BET1: variants seen among roughly 807,000 people sequenced by gnomAD.
The protein encoded by BET1 is Bet1 golgi vesicular membrane trafficking protein.
A neutral mutation model predicts 13.9 loss-of-function variants in BET1; 9 were observed. The observed-to-expected ratio is 0.65, with a 90% CI of 0.39 to 1.13. BET1 has a LOEUF of 1.13. Among genes scored for constraint, BET1 ranks in the 50% most tolerant of loss-of-function variants. BET1 has a pLI of 0.01. For synonymous variants in BET1, 39 were observed against 47.3 expected, an observed-to-expected ratio of 0.82 and a Z score of 0.72; for missense variants, 127 against 133.6, an observed-to-expected ratio of 0.95 and a Z score of 0.24.
chr7:93,983,791 T>C (rs1795473341), intron 4 of BET1, among the ~76,000 whole-genome samples: 2 of 152,144 alleles, frequency 1.3e-5, no homozygotes, highest in Non-Finnish European at 2.9e-5. Context: ...AATAAAGTCT[T>C]TTGAGCAAAT....
At chr7:93,969,851 T>G (rs895126292) in intron 6 of BET1, among the ~76,000 whole-genome samples, 18 of 151,874 alleles carry the variant, frequency 1.2e-4, no homozygotes, top group African/African-American at 4.3e-4. Context: ...TTTATGATGA[T>G]TTCAAATGCC....
At chr7:93,975,797 T>G in intron 5 of BET1, 1 of 433,848 alleles carries the variant, frequency 2.3e-6, no homozygotes, top group Non-Finnish European at 3.3e-6. Flanking sequence ...AATTGAAGAA[T>G]GTCATGATGT....
chr7:93,971,814 A>T (rs907961435), intron 6 of BET1, among the ~76,000 whole-genome samples: 2 of 151,780 alleles, frequency 1.3e-5, no homozygotes, highest in African/African-American at 4.8e-5. Flanking sequence ...GATTTAACTA[A>T]GAAAGTTTAA....
intron 6 of BET1, among the ~76,000 whole-genome samples, chr7:93,972,069 A>G (rs1795266086): frequency 6.6e-6 from 1 of 151,864 alleles, no homozygotes; most frequent in Non-Finnish European, 1.5e-5. Context: ...CCACCTGGAG[A>G]ATAACATTCG....
At chr7:93,972,288 A>C (rs1795269899) in intron 6 of BET1, 1 of 151,886 alleles carries the variant, frequency 6.6e-6, no homozygotes. Context: ...ATGAAATGCT[A>C]TCATTGTCGT....
chr7:94,001,799 T>C (rs1263520590), intron 1 of BET1, among the ~76,000 whole-genome samples: 1 of 152,238 alleles, frequency 6.6e-6, no homozygotes, highest in Non-Finnish European at 1.5e-5. Flanking sequence ...CAATAAGTAA[T>C]TACTGACTGG....
chr7:93,965,037 T>C (rs921201231), exon 7 of BET1: 4 of 152,086 alleles, frequency 2.6e-5, no homozygotes, highest in African/African-American at 7.2e-5. Context: ...GAGTTTCTCA[T>C]CTCTCAATCT....
At chr7:93,996,107 G>T (rs1177518598) in intron 3 of BET1, 158 bp downstream of exon 3, 1 of 594,870 alleles carries the variant, frequency 1.7e-6, no homozygotes, top group Non-Finnish European at 2.8e-6. Context: ...GCAAAAGCAT[G>T]GCAAAATAAA....
downstream of BET1, chr7:93,991,928 TA>T: frequency 1.0e-6 from 1 of 981,528 alleles, no homozygotes. Context: ...TTAGGAGCAT[TA>T]AAAAATTAGG....
chr7:93,967,862 G>A (rs1167799561), intron 6 of BET1, among the ~76,000 whole-genome samples: 1 of 151,634 alleles, frequency 6.6e-6, no homozygotes, highest in Non-Finnish European at 1.5e-5. Flanking sequence ...AAGTAACAAT[G>A]GGCATTTCCA....
chr7:93,977,698 T>C (rs4729106), intron 4 of BET1, among the ~76,000 whole-genome samples: 44,228 of 151,864 alleles, frequency 0.29, 6,435 homozygotes, highest in Non-Finnish European at 0.31. Context: ...CTTCCTAAAT[T>C]GGAACTCCCA....
At chr7:93,987,566 G>T (rs1038983905) in intron 4 of BET1, among the ~76,000 whole-genome samples, 1 of 151,988 alleles carries the variant, frequency 6.6e-6, no homozygotes, top group Non-Finnish European at 1.5e-5. Flanking sequence ...CTACAACTGG[G>T]TTTCCGTATC....
At chr7:94,001,280 A>G (rs1216489090) in intron 1 of BET1, among the ~76,000 whole-genome samples, 2 of 152,194 alleles carry the variant, frequency 1.3e-5, no homozygotes, top group Non-Finnish European at 2.9e-5. Flanking sequence ...GGCACACTCA[A>G]TGAATACATG....
intron 4 of BET1, among the ~76,000 whole-genome samples, chr7:93,980,436 C>G (rs939543074): frequency 6.6e-6 from 1 of 152,098 alleles, no homozygotes; most frequent in Non-Finnish European, 1.5e-5. Context: ...GAACCATACA[C>G]CAGGATCAAG....
chr7:93,980,526 G>A (rs1795408466), intron 4 of BET1, among the ~76,000 whole-genome samples: 1 of 151,888 alleles, frequency 6.6e-6, no homozygotes, highest in Non-Finnish European at 1.5e-5. Flanking sequence ...CCAAGATGAA[G>A]GATAAAAATC....
At chr7:93,993,125 T>C, downstream of BET1, 1 of 983,676 alleles carries the variant, frequency 1.0e-6, no homozygotes, top group Non-Finnish European at 1.2e-6. Context: ...ATTTGCTTAT[T>C]TGTTTGAATC....
chr7:93,994,120 G>T lies in BET1; in HGVS notation c.*110C>A, dbSNP rs1168472369. 6.8e-7 allele frequency: 1 copy of T among 1,459,988 alleles called. No individual in the cohort carries two copies. The highest frequency in any genetic ancestry group is 9.0e-7 in the Non-Finnish European group (1 of 1,111,350). 90.4% of individuals were successfully genotyped at this position (1,459,988 alleles called of 1,614,324 possible). A position where few individuals can be genotyped will look rare whatever the true frequency, so the allele number is the denominator to read the frequency against. ...TAAGCAAAATTCAGCAATTTTCAAT[G>T]GAAAATGCCACAGTATTTGAACACT... On this transcript the variant is annotated 3_prime_UTR_variant, in exon 4 of 4. Coordinates refer to ENST00000222547, the MANE Select transcript of BET1 (RefSeq NM_005868.6).
intron 5 of BET1, among the ~76,000 whole-genome samples, chr7:93,973,350 A>G (rs1795288362): frequency 6.6e-6 from 1 of 151,894 alleles, no homozygotes; most frequent in Non-Finnish European, 1.5e-5. Context: ...AATCATATTT[A>G]CTACATTGCT....
intron 6 of BET1, among the ~76,000 whole-genome samples, chr7:93,966,540 G>T (rs994225200): frequency 2.0e-5 from 3 of 151,422 alleles, no homozygotes; most frequent in Non-Finnish European, 4.4e-5. Flanking sequence ...TTAGAAATAA[G>T]CACATAATGC....
Sources: allele counts gnomAD v4.1 joint callset (sites outside exome capture counted in the v4.1 genomes callset), GRCh38; gene constraint gnomAD v4.1.1; transcripts MANE v1.5; gene names NCBI Gene and HGNC (gene_info 2026-07-23, HGNC 2026-07-21).